The following PPP6R2 variants were observed in gnomAD, a reference collection of about 807,000 sequenced individuals.
PPP6R2 encodes the protein protein phosphatase 6 regulatory subunit 2, also known as serine/threonine-protein phosphatase 6 regulatory subunit 2.
PPP6R2 carries 62 observed loss-of-function variants against 100.2 expected under a neutral mutation model. That is an observed-to-expected ratio of 0.62 (90% confidence interval 0.50 to 0.76). The LOEUF (loss-of-function observed/expected upper bound fraction) is 0.76, where lower values mean the gene tolerates loss of function less well. Among genes scored for constraint, PPP6R2 ranks in the 30% least tolerant of loss-of-function variants. PPP6R2 has a pLI of 0.00. For missense variants in PPP6R2, 1,142 were observed against 1,276.3 expected (o/e 0.89, Z 1.60); for synonymous variants, 525 against 514.7 (o/e 1.02, Z -0.27).
At chr22:50,401,675 C>T (rs2146952946) in intron 3 of PPP6R2, among the ~76,000 whole-genome samples, 1 of 151,592 alleles carries the variant, frequency 6.6e-6, no homozygotes, top group Non-Finnish European at 1.5e-5. Flanking sequence ...CGGAGTCTCA[C>T]TCTGTCGCCC....
At chr22:50,355,967 CTT>C (rs138721205) in intron 1 of PPP6R2, among the ~76,000 whole-genome samples, 5 of 143,716 alleles carry the variant, frequency 3.5e-5, no homozygotes, top group African/African-American at 5.1e-5. Flanking sequence ...GTATTTCCCT[CTT>C]TTTTTTTTTT....
chr22:50,441,061 T>G (rs1042318097), intron 22 of PPP6R2, 35 bp downstream of exon 22: 1 of 1,478,238 alleles, frequency 6.8e-7, no homozygotes, highest in Non-Finnish European at 9.1e-7. Context: ...GCCTGCCGGG[T>G]GCATAGGGCG....
chr22:50,353,497 G>A (rs1423491874), intron 1 of PPP6R2, among the ~76,000 whole-genome samples: 4 of 152,042 alleles, frequency 2.6e-5, no homozygotes, highest in African/African-American at 9.7e-5. Context: ...AAACATCACC[G>A]ATAACAGGTC....
chr22:50,419,686 C>T (rs978833598), intron 8 of PPP6R2, among the ~76,000 whole-genome samples: 9 of 152,248 alleles, frequency 5.9e-5, no homozygotes, highest in Admixed American at 1.3e-4. Context: ...TGAAGCTGCT[C>T]GTCACGACCA....
chr22:50,431,493 G>C lies in PPP6R2; in HGVS notation c.1335+111G>C. 1.0e-6 allele frequency: 1 copy of C among 1,002,264 alleles called. No individual in the cohort carries two copies. The highest frequency in any genetic ancestry group is 1.5e-6 in the Non-Finnish European group (1 of 687,456). The allele number at this position is 1,002,264 out of a possible 1,614,324, so 62.1% of individuals were successfully genotyped here. On this transcript the variant is annotated intron_variant, in intron 11 of 23. Coordinates refer to ENST00000612753, the MANE Select transcript of PPP6R2 (RefSeq NM_001242898.2). This position sits in a 1 kb window ranked among gnomAD's most constrained non-coding sequence, Gnocchi z 4.8. ...TCACTGTGCAGCTGACACGGGGGCA[G>C]GGCTTTGAAAAGGGTCCCCAGGTGT...
the PPP6R2 span, among the ~76,000 whole-genome samples, chr22:50,333,438 G>T: frequency 6.6e-6 from 1 of 151,472 alleles, no homozygotes; most frequent in African/African-American, 2.4e-5. Context: ...CCGGGTTCAC[G>T]CCATTCTCCT....
chr22:50,431,462 C>A lies in PPP6R2; in HGVS notation c.1335+80C>A. The stretch of plus-strand genomic sequence containing the variant: ...TGTCCATGTCAGCGCTGACGTGTGC[C>A]GGACCTCACTGTGCAGCTGACACGG... On this transcript the variant is annotated intron_variant, in intron 11 of 23. Coordinates refer to ENST00000612753, the MANE Select transcript of PPP6R2 (RefSeq NM_001242898.2). This position sits in a 1 kb window ranked among gnomAD's most constrained non-coding sequence, Gnocchi z 4.8. 1 of 1,298,714 alleles carries A rather than the reference C, an allele frequency of 7.7e-7. No homozygotes were observed. The highest frequency in any genetic ancestry group is 1.1e-6 in the Non-Finnish European group (1 of 933,148). The allele number at this position is 1,298,714 out of a possible 1,614,324, so 80.4% of individuals were successfully genotyped here.
chr22:50,369,802 G>C (rs1275542515), intron 1 of PPP6R2, among the ~76,000 whole-genome samples: 1 of 150,196 alleles, frequency 6.7e-6, no homozygotes, highest in Non-Finnish European at 1.5e-5. Context: ...CACCGCGCCT[G>C]ACCTTTCACT....
At chr22:50,402,654 C>T (rs2058244135) in intron 3 of PPP6R2, among the ~76,000 whole-genome samples, 1 of 152,186 alleles carries the variant, frequency 6.6e-6, no homozygotes, top group African/African-American at 2.4e-5. Flanking sequence ...CCTCTCCATT[C>T]TTGTCTTTTT....
intron 2 of PPP6R2, among the ~76,000 whole-genome samples, chr22:50,387,904 T>G (rs989047521): frequency 8.5e-5 from 13 of 152,170 alleles, no homozygotes; most frequent in Non-Finnish European, 1.8e-4. Flanking sequence ...CCACAGGGGA[T>G]GTCGATGCTG....
intron 3 of PPP6R2, 42 bp downstream of exon 3, chr22:50,394,177 C>A (rs1398979460): frequency 6.2e-7 from 1 of 1,602,492 alleles, no homozygotes; most frequent in Non-Finnish European, 8.5e-7. Flanking sequence ...CCAGGCAGTG[C>A]TGCAGGCAGG....
intron 15 of PPP6R2, 24 bp from the exon 16 acceptor site, chr22:50,437,482 C>CCAACCA: frequency 1.4e-6 from 1 of 735,160 alleles, no homozygotes. Context: ...TCTGTCCGTC[C>CCAACCA]CTCCCTCCCT....
At chr22:50,388,439 G>A (rs2054723790) in intron 2 of PPP6R2, among the ~76,000 whole-genome samples, 1 of 151,084 alleles carries the variant, frequency 6.6e-6, no homozygotes, top group Admixed American at 6.6e-5. Context: ...GGTGGCTCAT[G>A]TCTGTAATTT....
chr22:50,435,183 G>A (rs1207537885), intron 13 of PPP6R2, 102 bp downstream of exon 13: 8 of 956,520 alleles, frequency 8.4e-6, no homozygotes, highest in East Asian at 2.9e-5. Context: ...GGTGCTGACT[G>A]CACTGACAGT....
the PPP6R2 span, among the ~76,000 whole-genome samples, chr22:50,337,607 T>G: frequency 1.9e-5 from 2 of 105,382 alleles, no homozygotes; most frequent in African/African-American, 7.6e-5. Context: ...GTGTTGGGGG[T>G]GTGTGTGCTG....
the PPP6R2 span, among the ~76,000 whole-genome samples, chr22:50,333,654 T>C: frequency 1.3e-5 from 2 of 152,310 alleles, no homozygotes; most frequent in African/African-American, 2.4e-5. Flanking sequence ...TTTTTCAAAA[T>C]TGTTTTGACT....
Position 50,426,533 on chromosome 22 carries a change from T to C in PPP6R2, c.1125+2919T>C, listed in dbSNP as rs745332214. Among the ~76,000 whole-genome samples the C allele has an allele frequency of 8.9e-4, 135 of 152,286 alleles. 1 individual carries two copies. The highest frequency in any genetic ancestry group is 1.2e-3 in the Non-Finnish European group (83 of 68,022). The stretch of plus-strand genomic sequence containing the variant: ...TGGGGTTATCCAGTTTTCCCAGCAC[T>C]TGTTGAAAAGACTGTCCTAGGCCGG... On this transcript the variant is annotated intron_variant, in intron 10 of 23. Coordinates refer to ENST00000612753, the MANE Select transcript of PPP6R2 (RefSeq NM_001242898.2).
intron 1 of PPP6R2, among the ~76,000 whole-genome samples, chr22:50,355,551 C>T (rs925044709): frequency 1.5e-5 from 2 of 135,488 alleles, no homozygotes; most frequent in African/African-American, 5.7e-5. Context: ...GATAGAGTCT[C>T]GCTCTGTCGC....
chr22:50,377,864 C>T (rs1025874505), intron 2 of PPP6R2, among the ~76,000 whole-genome samples: 11 of 151,912 alleles, frequency 7.2e-5, no homozygotes, highest in African/African-American at 2.7e-4. Context: ...AAAAGTAGCT[C>T]AGCGTGGTGG....
Sources: gnomAD v4.1 joint callset for allele counts (sites outside exome capture counted in the v4.1 genomes callset) on GRCh38, gnomAD v4.1.1 for gene constraint, Gnocchi (gnomAD v3.1) non-coding constraint, MANE v1.5 for transcripts, NCBI Gene and HGNC (gene_info 2026-07-23, HGNC 2026-07-21) for gene names.